ITPR2: variants seen among roughly 807,000 people sequenced by gnomAD.
The protein encoded by ITPR2 is inositol 1,4,5-trisphosphate receptor type 2, also known as inositol 1,4,5-trisphosphate-gated calcium channel ITPR2.
Under a neutral mutation model 317.1 loss-of-function variants are expected in ITPR2, and 207 were observed. The observed-to-expected ratio is 0.65, with a 90% CI of 0.58 to 0.73. ITPR2 has a LOEUF of 0.73. Among genes scored for constraint, ITPR2 ranks in the 30% least tolerant of loss-of-function variants. The probability of loss-of-function intolerance (pLI) is 0.00; values close to 1 mark genes in which losing one functional copy is unlikely to be tolerated. For synonymous variants in ITPR2, 1,156 were observed against 1,149.1 expected (o/e 1.01, Z -0.12); for missense variants, 2,613 against 3,284.0 (o/e 0.80, Z 4.99).
At chr12:26,751,565 C>A (rs1949419070) in intron 2 of ITPR2, among the ~76,000 whole-genome samples, 2 of 152,072 alleles carry the variant, frequency 1.3e-5, no homozygotes, top group African/African-American at 4.8e-5. Flanking sequence ...ATCAAAAAAT[C>A]ATCTTATATA....
intron 1 of ITPR2, among the ~76,000 whole-genome samples, chr12:26,814,193 C>T (rs1014435384): frequency 3.9e-5 from 6 of 152,176 alleles, no homozygotes; most frequent in Non-Finnish European, 8.8e-5. Flanking sequence ...AAACAAAACA[C>T]CTGCGCAAGG....
intron 37 of ITPR2, among the ~76,000 whole-genome samples, chr12:26,502,442 C>T (rs1943091128): frequency 6.6e-6 from 1 of 152,104 alleles, no homozygotes; most frequent in Admixed American, 6.5e-5. Context: ...TAAATCAGTG[C>T]CTCATAAAAT....
At chr12:26,374,912 T>C (rs1413844318) in intron 55 of ITPR2, among the ~76,000 whole-genome samples, 1 of 152,160 alleles carries the variant, frequency 6.6e-6, no homozygotes, top group Non-Finnish European at 1.5e-5. Flanking sequence ...TAGTCCCAAA[T>C]CCTATGGACA....
intron 55 of ITPR2, among the ~76,000 whole-genome samples, chr12:26,368,149 T>C (rs1413457214): frequency 6.6e-6 from 1 of 152,238 alleles, no homozygotes; most frequent in Non-Finnish European, 1.5e-5. Context: ...GATTTCCCTA[T>C]CATTCTCTGG....
chr12:26,427,376 C>T (rs912864717), intron 49 of ITPR2, among the ~76,000 whole-genome samples: 1 of 152,012 alleles, frequency 6.6e-6, no homozygotes, highest in East Asian at 1.9e-4. Context: ...CTCTGTGCTT[C>T]CTTATTCTAA....
chr12:26,633,444 T>G (rs557382298), intron 21 of ITPR2, among the ~76,000 whole-genome samples: 1 of 152,254 alleles, frequency 6.6e-6, no homozygotes, highest in African/African-American at 2.4e-5. Flanking sequence ...TAAAGTGGCA[T>G]AGTCCAGGCA....
At chr12:26,684,559 A>T (rs1014866439) in intron 11 of ITPR2, among the ~76,000 whole-genome samples, 1 of 152,244 alleles carries the variant, frequency 6.6e-6, no homozygotes, top group Non-Finnish European at 1.5e-5. Context: ...TTATATTATA[A>T]TAGTAGTTAT....
chr12:26,751,553 A>G (rs1377502918), intron 2 of ITPR2, among the ~76,000 whole-genome samples: 1 of 152,138 alleles, frequency 6.6e-6, no homozygotes, highest in East Asian at 1.9e-4. Flanking sequence ...TGTGCTTGAA[A>G]TATCAAAAAA....
intron 37 of ITPR2, among the ~76,000 whole-genome samples, chr12:26,517,932 C>T (rs28831721): frequency 0.086 from 13,091 of 152,258 alleles, 703 homozygotes; most frequent in African/African-American, 0.15. Context: ...ATAATGTAAA[C>T]TAGTTCAGCC....
chr12:26,412,098 AC>A (rs1940568767), intron 51 of ITPR2, among the ~76,000 whole-genome samples: 1 of 152,136 alleles, frequency 6.6e-6, no homozygotes, highest in East Asian at 1.9e-4. Context: ...TTCCTCTCAA[AC>A]CTATTTTTCC....
chr12:26,613,672 G>C (rs1946319741), intron 26 of ITPR2, among the ~76,000 whole-genome samples: 1 of 152,054 alleles, frequency 6.6e-6, no homozygotes, highest in Non-Finnish European at 1.5e-5. Flanking sequence ...GAATACCTAA[G>C]GGTGATACCC....
At chr12:26,339,813 T>C (rs939898580) in intron 56 of ITPR2, among the ~76,000 whole-genome samples, 3 of 152,208 alleles carry the variant, frequency 2.0e-5, no homozygotes, top group Non-Finnish European at 2.9e-5. Context: ...AAGGGGTTCA[T>C]TATAGCATTG....
chr12:26,569,577 A>T (rs1474203403), intron 34 of ITPR2, among the ~76,000 whole-genome samples: 1 of 133,810 alleles, frequency 7.5e-6, no homozygotes, highest in Non-Finnish European at 1.7e-5. Flanking sequence ...ATCAGAAAAG[A>T]AAAAAAGAGA....
rs200195105 is a variant in ITPR2 at position 26,454,206 on chromosome 12, CTTGT to C, written c.6343-10560_6343-10557del. Among the ~76,000 whole-genome samples, 18 of 151,806 alleles carry C rather than the reference CTTGT, an allele frequency of 1.2e-4. No individual in the cohort carries two copies. The South Asian group carries it at 2.1e-3, about 18-fold the overall frequency. On this transcript the variant is annotated intron_variant, in intron 45 of 56. Coordinates refer to ENST00000381340, the MANE Select transcript of ITPR2 (RefSeq NM_002223.4). ...AAATGTGGTGTTTTTTGTTTGTTTG[CTTGT>C]TTGTTTGTTTTTTGAGACAGAGTCT...
intron 55 of ITPR2, among the ~76,000 whole-genome samples, chr12:26,351,579 T>C (rs1024514169): frequency 3.3e-5 from 5 of 152,160 alleles, no homozygotes; most frequent in African/African-American, 4.8e-5. Flanking sequence ...GCTTGAGCTC[T>C]GGGAGGTCAA....
Position 26,803,345 on chromosome 12 carries a change from G to A in ITPR2, c.93-13118C>T, listed in dbSNP as rs1346628886. 2.8e-5 allele frequency among the ~76,000 whole-genome samples: 4 copies of A among 143,166 alleles called. No homozygotes were observed. The East Asian group carries it at 8.0e-4, about 29-fold the overall frequency. The allele number at this position is 143,166 out of a possible 152,430, so 93.9% of individuals were successfully genotyped here. A position where few individuals can be genotyped will look rare whatever the true frequency, so the allele number is the denominator to read the frequency against. On this transcript the variant is annotated intron_variant, in intron 1 of 56. Coordinates refer to ENST00000381340, the MANE Select transcript of ITPR2 (RefSeq NM_002223.4). Reference sequence around the variant, plus strand: ...TCCTCAATACCCAGCACAGTGACTGGCATATAGTAAGTGCAAAAAAAAAAA... The same window carrying A: ...TCCTCAATACCCAGCACAGTGACTGACATATAGTAAGTGCAAAAAAAAAAA...
At chr12:26,657,401 T>A (rs557953393) in intron 18 of ITPR2, among the ~76,000 whole-genome samples, 7 of 152,196 alleles carry the variant, frequency 4.6e-5, no homozygotes, top group Admixed American at 3.9e-4. Context: ...CTCAACTCCA[T>A]CACCTAGGTC....
chr12:26,585,741 T>A (rs1265921635), intron 32 of ITPR2, among the ~76,000 whole-genome samples: 3 of 152,166 alleles, frequency 2.0e-5, no homozygotes, highest in Non-Finnish European at 4.4e-5. Flanking sequence ...AAGGACAGAT[T>A]TTTGGAGGGT....
chr12:26,380,070 T>G (rs567838802), intron 55 of ITPR2, among the ~76,000 whole-genome samples: 7 of 152,226 alleles, frequency 4.6e-5, no homozygotes, highest in Admixed American at 1.3e-4. Flanking sequence ...ATGGCAATTC[T>G]ACCCATGAAA....
Sources: allele counts gnomAD v4.1 joint callset (sites outside exome capture counted in the v4.1 genomes callset), GRCh38; gene constraint gnomAD v4.1.1; transcripts MANE v1.5; gene names NCBI Gene and HGNC (gene_info 2026-07-23, HGNC 2026-07-21).